CNTNAP2: variants seen among roughly 807,000 people sequenced by gnomAD.
The protein encoded by CNTNAP2 is contactin associated protein 2, also known as contactin-associated protein-like 2.
A neutral mutation model predicts 155.2 loss-of-function variants in CNTNAP2; 98 were observed. That is an observed-to-expected ratio of 0.63 (90% confidence interval 0.54 to 0.75). The LOEUF is 0.75. CNTNAP2 is among the 30% of genes least tolerant of loss of function. The pLI is 0.00. For synonymous variants in CNTNAP2, 651 were observed against 631.2 expected (o/e 1.03, Z -0.47); for missense variants, 1,727 against 1,688.1 (o/e 1.02, Z -0.40).
chr7:146,643,608 T>C (rs1799753165), intron 1 of CNTNAP2, among the ~76,000 whole-genome samples: 1 of 152,194 alleles, frequency 6.6e-6, no homozygotes, highest in African/African-American at 2.4e-5. Flanking sequence ...CCTCCAGCTT[T>C]GTTCTTTTGG....
At chr7:147,666,251 C>T (rs974823475) in intron 13 of CNTNAP2, among the ~76,000 whole-genome samples, 2 of 152,174 alleles carry the variant, frequency 1.3e-5, no homozygotes, top group African/African-American at 4.8e-5. Context: ...CTTTCAAGTA[C>T]AGTCATGTGC....
chr7:147,033,181 T>TAC lies in CNTNAP2; in HGVS notation c.403-10725_403-10724insCA, dbSNP rs1355319532. 9.1e-5 allele frequency among the ~76,000 whole-genome samples: 8 copies of TAC among 87,544 alleles called. 1 individual carries two copies. The highest frequency in any genetic ancestry group is 6.1e-4 in the Admixed American group (6 of 9,864). 57.4% of individuals were successfully genotyped at this position (87,544 alleles called of 152,430 possible). On this transcript the variant is annotated intron_variant, in intron 3 of 23. Coordinates refer to ENST00000361727, the MANE Select transcript of CNTNAP2 (RefSeq NM_014141.6). The stretch of plus-strand genomic sequence containing the variant: ...ATATGTATATATATATATATATATA[T>TAC]ATATATATATATATATATATATGGA...
At chr7:146,476,139 A>G (rs548291694) in intron 1 of CNTNAP2, among the ~76,000 whole-genome samples, 2 of 152,132 alleles carry the variant, frequency 1.3e-5, no homozygotes, top group South Asian at 4.1e-4. Context: ...CTGGTTTCAG[A>G]TACAGTAAAA....
At chr7:147,907,858 C>T (rs148118216) in intron 14 of CNTNAP2, among the ~76,000 whole-genome samples, 44 of 152,082 alleles carry the variant, frequency 2.9e-4, no homozygotes, top group Middle Eastern at 3.4e-3. Context: ...CTAGGCTCAC[C>T]GCAACCTCTG....
chr7:146,181,134 C>T (rs889932855), intron 1 of CNTNAP2, among the ~76,000 whole-genome samples: 1 of 152,170 alleles, frequency 6.6e-6, no homozygotes. Flanking sequence ...GTACCATCAT[C>T]AAGTTACTTT....
At chr7:147,262,678 C>T (rs557136950) in intron 8 of CNTNAP2, among the ~76,000 whole-genome samples, 148 of 152,222 alleles carry the variant, frequency 9.7e-4, no homozygotes, top group African/African-American at 3.4e-3. Context: ...TGGTGGCGAG[C>T]GCCTGTAGTC....
intron 1 of CNTNAP2, among the ~76,000 whole-genome samples, chr7:146,736,181 G>T (rs1331464613): frequency 6.6e-6 from 1 of 152,044 alleles, no homozygotes; most frequent in Admixed American, 6.5e-5. Context: ...TAGGTTATAT[G>T]CAAACACTGG....
chr7:146,370,187 C>T (rs746971296), intron 1 of CNTNAP2, among the ~76,000 whole-genome samples: 6 of 145,402 alleles, frequency 4.1e-5, no homozygotes, highest in African/African-American at 7.8e-5. Context: ...TTTGGGAGGC[C>T]GGGGCAGGTG....
At chr7:147,893,794 G>A (rs1183301976) in intron 13 of CNTNAP2, among the ~76,000 whole-genome samples, 1 of 152,184 alleles carries the variant, frequency 6.6e-6, no homozygotes. Flanking sequence ...CCATGGCCCA[G>A]ATCTTGGAAG....
chr7:146,596,366 G>A (rs981491145), intron 1 of CNTNAP2, among the ~76,000 whole-genome samples: 2 of 151,830 alleles, frequency 1.3e-5, no homozygotes, highest in African/African-American at 4.8e-5. Context: ...GTGATGAAAA[G>A]GCTGTGTAAT....
chr7:147,861,937 G>T (rs1414375860), intron 13 of CNTNAP2, among the ~76,000 whole-genome samples: 1 of 146,130 alleles, frequency 6.8e-6, no homozygotes, highest in African/African-American at 2.6e-5. Flanking sequence ...GGCAGAAGTT[G>T]CAGTGAGCCA....
At chr7:146,777,566 C>CA (rs1269644276) in intron 2 of CNTNAP2, among the ~76,000 whole-genome samples, 1 of 142,928 alleles carries the variant, frequency 7.0e-6, no homozygotes, top group Non-Finnish European at 1.5e-5. Context: ...CAATACAAAA[C>CA]TTTTTTTTTT....
chr7:147,577,639 C>T (rs1800419777), intron 12 of CNTNAP2, among the ~76,000 whole-genome samples: 1 of 151,878 alleles, frequency 6.6e-6, no homozygotes, highest in Non-Finnish European at 1.5e-5. Context: ...ATTAACTGCT[C>T]TGTCTTTTGC....
At chr7:147,366,300 T>A (rs1026758549) in intron 9 of CNTNAP2, among the ~76,000 whole-genome samples, 50 of 152,262 alleles carry the variant, frequency 3.3e-4, no homozygotes, top group African/African-American at 1.0e-3. Context: ...TTTTTCTTTA[T>A]CTGTCTCAAT....
At chr7:148,032,123 G>T (rs1186692818) in intron 15 of CNTNAP2, among the ~76,000 whole-genome samples, 1 of 152,162 alleles carries the variant, frequency 6.6e-6, no homozygotes, top group Non-Finnish European at 1.5e-5. Flanking sequence ...TTAATGCTAG[G>T]GAGGGGCTTA....
intron 10 of CNTNAP2, among the ~76,000 whole-genome samples, chr7:147,482,743 T>A: frequency 6.8e-6 from 1 of 147,834 alleles, no homozygotes; most frequent in South Asian, 2.1e-4. Context: ...AATAAATAAA[T>A]AAATAAATAA....
intron 13 of CNTNAP2, among the ~76,000 whole-genome samples, chr7:147,700,738 A>G (rs1037448143): frequency 6.6e-6 from 1 of 152,202 alleles, no homozygotes; most frequent in Admixed American, 6.5e-5. Context: ...AAAAGCTGAT[A>G]TAAGAGTGGT....
intron 1 of CNTNAP2, among the ~76,000 whole-genome samples, chr7:146,550,419 T>G (rs867390250): frequency 1.4e-5 from 2 of 142,300 alleles, no homozygotes; most frequent in Non-Finnish European, 1.5e-5. Flanking sequence ...TTTTTTTTTT[T>G]TTTTTTTTTT....
At chr7:147,855,751 T>A (rs76565461) in intron 13 of CNTNAP2, among the ~76,000 whole-genome samples, 1,928 of 152,322 alleles carry the variant, frequency 0.013, 23 homozygotes, top group Non-Finnish European at 0.021. Flanking sequence ...TCCTTAATCC[T>A]AGGTGAGAAA....
Sources: gnomAD v4.1 joint callset for allele counts (sites outside exome capture counted in the v4.1 genomes callset) on GRCh38, gnomAD v4.1.1 for gene constraint, MANE v1.5 for transcripts, NCBI Gene and HGNC (gene_info 2026-07-23, HGNC 2026-07-21) for gene names.